The following ERICH2 variants were observed in gnomAD, a reference collection of about 807,000 sequenced individuals.
ERICH2 encodes the protein glutamate rich 2.
In ERICH2, 17 loss-of-function variants were observed where a neutral mutation model predicts 17.4. The ratio of observed to expected loss-of-function variants is 0.98; its 90% CI spans 0.67 to 1.47. The LOEUF (loss-of-function observed/expected upper bound fraction) is 1.47, where lower values mean the gene tolerates loss of function less well. Among genes scored for constraint, ERICH2 ranks in the 40% most tolerant of loss-of-function variants. The pLI, the probability that ERICH2 is intolerant of heterozygous loss-of-function variation, is 0.00. For synonymous variants in ERICH2, 51 were observed against 61.1 expected (o/e 0.83, Z 0.77); for missense variants, 186 against 183.2 (o/e 1.01, Z -0.09).
At chr2:170,780,967 T>C (rs546264019), upstream of ERICH2, among the ~76,000 whole-genome samples, 1 of 152,340 alleles carries the variant, frequency 6.6e-6, no homozygotes, top group East Asian at 1.9e-4. Flanking sequence ...CTTGGATGCT[T>C]TCTGTCACAA....
intron 3 of ERICH2, among the ~76,000 whole-genome samples, chr2:170,795,981 A>G (rs1050097488): frequency 6.6e-6 from 1 of 152,228 alleles, no homozygotes; most frequent in Non-Finnish European, 1.5e-5. Flanking sequence ...TCTTCCAAAA[A>G]TATAGTTCCT....
chr2:170,771,194 C>G, the ERICH2 span: 1 of 154,770 alleles, frequency 6.5e-6, no homozygotes, highest in Non-Finnish European at 1.5e-5. The surrounding 1 kb of genome is among the most constrained non-coding windows in gnomAD (Gnocchi z 4.8). Context: ...GCTGGTAAGA[C>G]ACTCCGAGGC....
the ERICH2 span, chr2:170,771,031 AC>A: frequency 2.6e-5 from 1 of 38,510 alleles, no homozygotes; most frequent in Non-Finnish European, 5.2e-5. The surrounding 1 kb of genome is among the most constrained non-coding windows in gnomAD (Gnocchi z 4.8). Context: ...CCCAGCCCCC[AC>A]CCTCGGCTGC....
chr2:170,781,345 G>C (rs1255247819), upstream of ERICH2, among the ~76,000 whole-genome samples: 2 of 152,100 alleles, frequency 1.3e-5, no homozygotes, highest in Non-Finnish European at 2.9e-5. Context: ...CAAAAAAAGA[G>C]ACTTGGGGGG....
At chr2:170,798,727 T>C (rs1701489813) in intron 4 of ERICH2, 43 bp from the exon 10 acceptor site, 2 of 1,545,240 alleles carry the variant, frequency 1.3e-6, no homozygotes, top group Admixed American at 2.0e-5. Context: ...CAGAGTGAAA[T>C]ATTAAGAAAC....
At chr2:170,798,916 C>T in exon 5 of ERICH2, 8 of 1,549,640 alleles carry the variant, frequency 5.2e-6, no homozygotes, top group Non-Finnish European at 7.0e-6. Context: ...ATACTTGAAG[C>T]TTCATGTATT....
At chr2:170,776,244 T>G in the ERICH2 span, among the ~76,000 whole-genome samples, 1 of 152,200 alleles carries the variant, frequency 6.6e-6, no homozygotes, top group Non-Finnish European at 1.5e-5. Context: ...AGGTAAGAAT[T>G]ATATTTTAGA....
At chr2:170,770,717 G>C in the ERICH2 span, 3 of 154,648 alleles carry the variant, frequency 1.9e-5, no homozygotes. Context: ...TTCCTTCTTC[G>C]GCGCTCCTGA....
chr2:170,797,779 G>A (rs1243525770), intron 3 of ERICH2, among the ~76,000 whole-genome samples: 9 of 145,442 alleles, frequency 6.2e-5, no homozygotes, highest in East Asian at 4.0e-4. Context: ...GTAACAGAGC[G>A]ACACCCTGTC....
At chr2:170,794,290 A>T (rs1440120985) in intron 3 of ERICH2, among the ~76,000 whole-genome samples, 1 of 151,490 alleles carries the variant, frequency 6.6e-6, no homozygotes, top group Non-Finnish European at 1.5e-5. Context: ...TATTTTTAGT[A>T]GAGATGGGGG....
At chr2:170,794,096 CCTTTCTTTCT>C (rs1701355610) in intron 3 of ERICH2, among the ~76,000 whole-genome samples, 1 of 121,282 alleles carries the variant, frequency 8.2e-6, no homozygotes, top group Admixed American at 1.0e-4. Flanking sequence ...CCTTCTCTTT[CCTTTCTTTCT>C]TTTTTTTTTT....
the ERICH2 span, chr2:170,777,546 G>A: frequency 9.4e-7 from 1 of 1,064,588 alleles, no homozygotes; most frequent in Non-Finnish European, 1.2e-6. Context: ...TTATTATGTT[G>A]CCTATCCTTT....
chr2:170,777,673 A>G, the ERICH2 span: 3 of 1,234,054 alleles, frequency 2.4e-6, no homozygotes, highest in Non-Finnish European at 3.0e-6. Flanking sequence ...AAACGAAGCA[A>G]TGTCAGAGTA....
Position 170,784,712 on chromosome 2 carries a change from T to C in ERICH2, c.95T>C (p.Ile32Thr). ...AATAATGAATATTGCCTTCAGGATA[T>C]TGATGATAAATTGTCAGAATCAGCA... The change falls in exon 2 of 5, where the codon ATT becomes ACT. Residue 32 changes from isoleucine to threonine, a missense_variant. Coordinates refer to ENST00000409885, the Ensembl canonical transcript of ERICH2. The C allele has an allele frequency of 2.6e-6, 4 of 1,546,450 alleles. No individual in the cohort carries two copies. In the South Asian group the frequency reaches 3.6e-5, roughly 14 times the overall value.
chr2:170,777,084 T>C, the ERICH2 span: 2 of 154,502 alleles, frequency 1.3e-5, no homozygotes, highest in East Asian at 3.9e-4. Context: ...CTGTGTTCTA[T>C]TTGTATTTTA....
At chr2:170,775,275 A>T in the ERICH2 span, among the ~76,000 whole-genome samples, 5 of 152,050 alleles carry the variant, frequency 3.3e-5, no homozygotes, top group East Asian at 1.9e-4. Context: ...AAAAATAAAA[A>T]AAAAAAAATA....
intron 2 of ERICH2, 85 bp downstream of exon 7, chr2:170,784,918 G>C: frequency 8.7e-7 from 1 of 1,147,268 alleles, no homozygotes. Flanking sequence ...ACTACTGTGA[G>C]AACTAAAAAA....
Position 170,792,862 on chromosome 2 carries a change from GT to G in ERICH2, c.219del (p.Leu74Ter). 6.6e-7 allele frequency: 1 copy of G among 1,509,926 alleles called. No homozygotes were observed. Among genetic ancestry groups the G allele is most frequent in the Non-Finnish European group, 8.9e-7 (1 of 1,122,274 alleles). The allele number at this position is 1,509,926 out of a possible 1,614,324, so 93.5% of individuals were successfully genotyped here. Reference sequence around the variant, plus strand: ...TATCTGAAGAATTTAATGTTTTCCAGTTTCTGAGAGCAGAAATGGCCCGAGA... The same window carrying G: ...TATCTGAAGAATTTAATGTTTTCCAGTTCTGAGAGCAGAAATGGCCCGAGA... On this transcript the variant is annotated frameshift_variant and splice_region_variant, in exon 3 of 5. Transcript: ENST00000409885. LOFTEE classifies it high-confidence loss of function.
At chr2:170,792,998 T>A in intron 3 of ERICH2, 78 bp downstream of exon 8, 1 of 838,098 alleles carries the variant, frequency 1.2e-6, no homozygotes, top group Non-Finnish European at 1.8e-6. Flanking sequence ...TAAAATGGCT[T>A]GATTATCATA....
Sources: gnomAD v4.1 joint callset for allele counts (sites outside exome capture counted in the v4.1 genomes callset) on GRCh38, gnomAD v4.1.1 for gene constraint, Gnocchi (gnomAD v3.1) non-coding constraint, MANE v1.5 for transcripts, NCBI Gene and HGNC (gene_info 2026-07-23, HGNC 2026-07-21) for gene names.